Variants in SEMA6D observed in about 807,000 individuals in gnomAD.
SEMA6D encodes the protein semaphorin 6D.
In SEMA6D, 35 loss-of-function variants were observed where a neutral mutation model predicts 106.6. The observed-to-expected ratio is 0.33, with a 90% CI of 0.25 to 0.44. SEMA6D has a LOEUF of 0.44. Ranked by LOEUF, SEMA6D falls within the 20% of genes least tolerant of loss-of-function variation. SEMA6D has a pLI of 1.00. For missense variants in SEMA6D, 1,185 were observed against 1,345.9 expected, an observed-to-expected ratio of 0.88 and a Z score of 1.87; for synonymous variants, 499 against 487.7, an observed-to-expected ratio of 1.02 and a Z score of -0.31.
At chr15:47,526,552 C>A (rs1445876652) in intron 3 of SEMA6D, among the ~76,000 whole-genome samples, 1 of 152,134 alleles carries the variant, frequency 6.6e-6, no homozygotes, top group African/African-American at 2.4e-5. Context: ...CAATATTCAG[C>A]AATGCCTGCT....
intron 3 of SEMA6D, among the ~76,000 whole-genome samples, chr15:47,569,240 G>GCATTTA (rs2046313923): frequency 6.6e-6 from 1 of 152,010 alleles, no homozygotes; most frequent in Admixed American, 6.6e-5. Context: ...AATTAAATGT[G>GCATTTA]ATTCTGATTC....
chr15:47,642,062 GA>G (rs1302516180), intron 4 of SEMA6D, among the ~76,000 whole-genome samples: 1 of 152,180 alleles, frequency 6.6e-6, no homozygotes, highest in Non-Finnish European at 1.5e-5. Context: ...AATGAATTAT[GA>G]TCTGTTTCCC....
chr15:47,482,060 T>G (rs1189938983), intron 3 of SEMA6D, among the ~76,000 whole-genome samples: 1 of 152,144 alleles, frequency 6.6e-6, no homozygotes, highest in Non-Finnish European at 1.5e-5. Flanking sequence ...TCAGATTCTT[T>G]GGCTAGAGCA....
At chr15:47,394,890 C>T (rs774218126) in intron 1 of SEMA6D, among the ~76,000 whole-genome samples, 1 of 151,926 alleles carries the variant, frequency 6.6e-6, no homozygotes, top group Non-Finnish European at 1.5e-5. Flanking sequence ...GAAGTGGCAA[C>T]CTATGATGCC....
Position 47,722,884 on chromosome 15 carries a change from G to A in SEMA6D, c.-55+5192G>A, listed in dbSNP as rs116527165. Among the ~76,000 whole-genome samples the A allele has an allele frequency of 2.0e-3, 299 of 152,296 alleles. 4 individuals carry two copies. Among genetic ancestry groups the A allele is most frequent in the African/African-American group, 6.8e-3 (281 of 41,560 alleles). ...TATCATATAACCCTCAGACAGCTCT[G>A]TAAGGTGAATTCTGTTATTATCACT... On this transcript the variant is annotated intron_variant, in intron 1 of 18. Transcript: ENST00000536845.
In SEMA6D at chr15:47,770,637, C is replaced by G. The variant is rs140030735; in HGVS notation, c.2074C>G (p.Arg692Gly). 8.1e-6 allele frequency: 13 copies of G among 1,613,868 alleles called. No individual in the cohort carries two copies. The highest frequency in any genetic ancestry group is 6.7e-5 in the Admixed American group (4 of 59,978). The change falls in exon 19 of 19, where the codon CGG becomes GGG. Residue 692 changes from arginine to glycine, a missense_variant. Around this residue, in one of 3 missense-constraint regions of SEMA6D, gnomAD observed 750 missense variants for 783.5 expected, o/e 0.96. Transcript: ENST00000536845. ...AVYCYRDMFV[R>G]KNRKIHKDAE... ...ATACTGCTATCGAGACATGTTTGTTCGGAAAAACAGAAAGATCCATAAAGA... is the reference window on the plus strand; with the variant it reads ...ATACTGCTATCGAGACATGTTTGTTGGGAAAAACAGAAAGATCCATAAAGA...
intron 1 of SEMA6D, among the ~76,000 whole-genome samples, chr15:47,290,047 G>A (rs2142796953): frequency 6.6e-6 from 1 of 152,232 alleles, no homozygotes; most frequent in Non-Finnish European, 1.5e-5. Flanking sequence ...GGAAAAAAAT[G>A]TCTTTCTCTT....
intron 4 of SEMA6D, among the ~76,000 whole-genome samples, chr15:47,702,658 C>T (rs758586663): frequency 4.6e-5 from 7 of 152,042 alleles, no homozygotes; most frequent in Non-Finnish European, 7.4e-5. Flanking sequence ...ATAATACATT[C>T]GGACCATGGA....
intron 1 of SEMA6D, among the ~76,000 whole-genome samples, chr15:47,397,169 T>G (rs2040238229): frequency 6.6e-6 from 1 of 152,108 alleles, no homozygotes; most frequent in Non-Finnish European, 1.5e-5. Flanking sequence ...TGGATACAGT[T>G]TAGAAAGCCA....
chr15:47,663,567 T>C (rs1318130209), intron 4 of SEMA6D, among the ~76,000 whole-genome samples: 1 of 152,120 alleles, frequency 6.6e-6, no homozygotes, highest in Non-Finnish European at 1.5e-5. Flanking sequence ...GAAAAAAATA[T>C]ACAACTTAGC....
At chr15:47,392,411 C>G (rs2040066689) in intron 1 of SEMA6D, among the ~76,000 whole-genome samples, 1 of 152,112 alleles carries the variant, frequency 6.6e-6, no homozygotes, top group South Asian at 2.1e-4. Flanking sequence ...TGAGCTCAGT[C>G]TAATCACATG....
intron 2 of SEMA6D, among the ~76,000 whole-genome samples, chr15:47,454,598 TGC>T (rs2042289422): frequency 1.5e-5 from 1 of 66,882 alleles, no homozygotes; most frequent in Non-Finnish European, 2.5e-5. Flanking sequence ...CTTGCACATG[TGC>T]ACACACACAC....
chr15:47,398,788 A>G (rs375220362), intron 1 of SEMA6D, among the ~76,000 whole-genome samples: 37 of 152,186 alleles, frequency 2.4e-4, no homozygotes, highest in African/African-American at 8.4e-4. Flanking sequence ...TCAGAAACCA[A>G]CCTGATGCCT....
intron 1 of SEMA6D, among the ~76,000 whole-genome samples, chr15:47,357,748 A>G (rs1042058275): frequency 1.2e-4 from 18 of 152,234 alleles, no homozygotes; most frequent in African/African-American, 4.3e-4. Flanking sequence ...CTTTGGCAAC[A>G]CCCTCACAGA....
intron 4 of SEMA6D, among the ~76,000 whole-genome samples, chr15:47,601,588 T>C (rs746128956): frequency 4.2e-4 from 64 of 152,328 alleles, no homozygotes; most frequent in Non-Finnish European, 7.5e-4. Context: ...AGCAGCTCTA[T>C]TTTTAATGAG....
chr15:47,460,179 G>T (rs2042462711), intron 2 of SEMA6D, among the ~76,000 whole-genome samples: 1 of 152,056 alleles, frequency 6.6e-6, no homozygotes, highest in African/African-American at 2.4e-5. Flanking sequence ...CTCCTCCTGT[G>T]AATTCTCAGA....
intron 4 of SEMA6D, among the ~76,000 whole-genome samples, chr15:47,676,075 C>T (rs2078239532): frequency 6.6e-6 from 1 of 152,132 alleles, no homozygotes; most frequent in Non-Finnish European, 1.5e-5. Context: ...ACTCTGCAGT[C>T]GGCTCCAGCA....
intron 4 of SEMA6D, among the ~76,000 whole-genome samples, chr15:47,659,960 T>G (rs73392852): frequency 0.035 from 5,342 of 152,154 alleles, 309 homozygotes; most frequent in African/African-American, 0.12. Context: ...CATATTAACT[T>G]TGATCATTAC....
At chr15:47,676,401 T>G (rs2078246612) in intron 4 of SEMA6D, among the ~76,000 whole-genome samples, 1 of 152,224 alleles carries the variant, frequency 6.6e-6, no homozygotes, top group South Asian at 2.1e-4. Context: ...AGGTCTTGCT[T>G]CTTGGCTAAC....
Sources: allele counts gnomAD v4.1 joint callset (sites outside exome capture counted in the v4.1 genomes callset), GRCh38; gene constraint gnomAD v4.1.1; regional missense constraint gnomAD v4.1.1; transcripts MANE v1.5; gene names NCBI Gene and HGNC (gene_info 2026-07-23, HGNC 2026-07-21).